The following CADPS variants were observed in gnomAD, a reference collection of about 807,000 sequenced individuals.
CADPS encodes the protein calcium dependent secretion activator.
CADPS carries 57 observed loss-of-function variants against 167.3 expected under a neutral mutation model. The observed-to-expected ratio is 0.34, with a 90% confidence interval of 0.28 to 0.42. The LOEUF (loss-of-function observed/expected upper bound fraction) is 0.42, where lower values mean the gene tolerates loss of function less well. Among genes scored for constraint, CADPS ranks in the 20% least tolerant of loss-of-function variants. The probability of loss-of-function intolerance (pLI) is 1.00; values close to 1 mark genes in which losing one functional copy is unlikely to be tolerated. For synonymous variants in CADPS, 676 were observed against 635.3 expected (o/e 1.06, Z -0.96); for missense variants, 1,414 against 1,738.1 (o/e 0.81, Z 3.32).
At chr3:62,807,153 C>T (rs2094142397) in intron 1 of CADPS, among the ~76,000 whole-genome samples, 1 of 152,094 alleles carries the variant, frequency 6.6e-6, no homozygotes, top group African/African-American at 2.4e-5. Flanking sequence ...GTCTAAATGT[C>T]TTGATTACAA....
At chr3:62,609,272 C>T (rs1403661962) in intron 6 of CADPS, among the ~76,000 whole-genome samples, 1 of 151,460 alleles carries the variant, frequency 6.6e-6, no homozygotes, top group African/African-American at 2.4e-5. Context: ...TCCTTCTTTC[C>T]TGCATCCTCC....
chr3:62,813,774 C>T (rs1576764086), intron 1 of CADPS, among the ~76,000 whole-genome samples: 2 of 152,186 alleles, frequency 1.3e-5, no homozygotes, highest in East Asian at 1.9e-4. Context: ...AAACAAATAA[C>T]CCCCTTGAAA....
chr3:62,866,407 A>G (rs916715278), intron 1 of CADPS, among the ~76,000 whole-genome samples: 1 of 152,096 alleles, frequency 6.6e-6, no homozygotes, highest in Non-Finnish European at 1.5e-5. Context: ...ACACTTACTG[A>G]ACACCTACTA....
chr3:62,688,944 T>C (rs1283206304), intron 3 of CADPS, among the ~76,000 whole-genome samples: 1 of 151,998 alleles, frequency 6.6e-6, no homozygotes, highest in Non-Finnish European at 1.5e-5. Flanking sequence ...CAAGTTGACA[T>C]TGACAGCAAT....
intron 3 of CADPS, among the ~76,000 whole-genome samples, chr3:62,691,776 G>A (rs558925509): frequency 3.9e-5 from 6 of 152,056 alleles, no homozygotes; most frequent in African/African-American, 7.2e-5. Flanking sequence ...GGGGCCTGTC[G>A]GTGTATGGTC....
chr3:62,522,637 C>G (rs952063165), intron 13 of CADPS, among the ~76,000 whole-genome samples: 1 of 152,112 alleles, frequency 6.6e-6, no homozygotes, highest in Non-Finnish European at 1.5e-5. Context: ...ATATTGAACT[C>G]GATATAAGTT....
chr3:62,558,807 G>A (rs1004824840), intron 9 of CADPS, among the ~76,000 whole-genome samples: 1 of 152,170 alleles, frequency 6.6e-6, no homozygotes, highest in Non-Finnish European at 1.5e-5. Flanking sequence ...TAATGTATAG[G>A]GTTTGCAGAA....
In CADPS at chr3:62,490,451, C is replaced by T. The variant is rs191725035; in HGVS notation, c.3026+888G>A. Among the ~76,000 whole-genome samples the T allele has an allele frequency of 1.1e-3, 160 of 152,272 alleles. 2 individuals carry two copies. The highest frequency in any genetic ancestry group is 3.4e-3 in the Middle Eastern group (1 of 294). ...TTCAGAAAGGGGAGTCTGAGACTGA[C>T]CCTCTGGAGCCTCAAGTCAAGCCCT... On this transcript the variant is annotated intron_variant, in intron 21 of 29. Transcript: ENST00000383710.
At chr3:62,696,335 G>A (rs911471456) in intron 3 of CADPS, among the ~76,000 whole-genome samples, 1 of 152,084 alleles carries the variant, frequency 6.6e-6, no homozygotes, top group African/African-American at 2.4e-5. Context: ...CCCTGCCACT[G>A]GCAGCCACAG....
intron 6 of CADPS, among the ~76,000 whole-genome samples, chr3:62,605,354 CA>C (rs1415044919): frequency 6.6e-6 from 1 of 152,146 alleles, no homozygotes; most frequent in African/African-American, 2.4e-5. Context: ...GAAGCTGGTG[CA>C]GTGGGGAGGA....
At chr3:62,484,792 C>T (rs2062558883) in intron 21 of CADPS, among the ~76,000 whole-genome samples, 2 of 152,072 alleles carry the variant, frequency 1.3e-5, no homozygotes. Context: ...AGAGTTGTAC[C>T]TTTCTCAAAG....
intron 13 of CADPS, chr3:62,530,920 A>G (rs764396830): frequency 1.4e-5 from 6 of 440,766 alleles, no homozygotes; most frequent in Non-Finnish European, 1.8e-5. Context: ...AGAAGGGTGC[A>G]TGAAAAAGCA....
chr3:62,583,928 G>C (rs2084004358), intron 8 of CADPS, among the ~76,000 whole-genome samples: 1 of 151,718 alleles, frequency 6.6e-6, no homozygotes, highest in African/African-American at 2.4e-5. Context: ...CTTCTGTTTA[G>C]ACCTGTCTTA....
At chr3:62,594,537 A>C (rs1321784318) in intron 6 of CADPS, among the ~76,000 whole-genome samples, 1 of 152,166 alleles carries the variant, frequency 6.6e-6, no homozygotes, top group African/African-American at 2.4e-5. Flanking sequence ...TTGTTCTATT[A>C]TTGAAATAGA....
At chr3:62,402,077 T>G (rs566863401) in intron 29 of CADPS, among the ~76,000 whole-genome samples, 56 of 152,344 alleles carry the variant, frequency 3.7e-4, no homozygotes, top group Non-Finnish European at 6.5e-4. Context: ...TGTAATACAC[T>G]GCTGTCTATA....
At chr3:62,445,726 A>AAC in intron 27 of CADPS, 39 bp downstream of exon 27, 1 of 1,196,724 alleles carries the variant, frequency 8.4e-7, no homozygotes, top group Non-Finnish European at 1.1e-6. Flanking sequence ...AAAAAAAAAA[A>AAC]CAAAAAAACC....
intron 17 of CADPS, among the ~76,000 whole-genome samples, chr3:62,503,834 A>G (rs1159176808): frequency 6.6e-6 from 1 of 152,224 alleles, no homozygotes; most frequent in Non-Finnish European, 1.5e-5. Flanking sequence ...CAGTACAGGC[A>G]CAGAGCACTA....
Position 62,466,678 on chromosome 3 carries a change from C to G in CADPS, c.3478-265G>C, listed in dbSNP as rs1046489876. 22 of 462,332 alleles carry G rather than the reference C, an allele frequency of 4.8e-5. No homozygotes were observed. The Admixed American group carries it at 7.4e-4, about 16-fold the overall frequency. 28.6% of individuals were successfully genotyped at this position (462,332 alleles called of 1,614,324 possible). On this transcript the variant is annotated intron_variant, in intron 24 of 29. Coordinates refer to ENST00000383710, the MANE Select transcript of CADPS (RefSeq NM_003716.4). ...GTGTGTAGACACTTAAACACTTTTA[C>G]AAATAGCACACATGAATGACTTAAT...
chr3:62,526,251 G>A (rs1345631951), intron 13 of CADPS, among the ~76,000 whole-genome samples: 4 of 152,164 alleles, frequency 2.6e-5, no homozygotes, highest in Non-Finnish European at 4.4e-5. Context: ...AATCTTTAGA[G>A]CACACTGCCA....
Sources: gnomAD v4.1 joint callset for allele counts (sites outside exome capture counted in the v4.1 genomes callset) on GRCh38, gnomAD v4.1.1 for gene constraint, MANE v1.5 for transcripts, NCBI Gene and HGNC (gene_info 2026-07-23, HGNC 2026-07-21) for gene names.